The following MCPH1 variants were observed in gnomAD, a reference collection of about 807,000 sequenced individuals.
The protein encoded by MCPH1 is microcephalin.
MCPH1 carries 104 observed loss-of-function variants against 84.5 expected under a neutral mutation model. The ratio of observed to expected loss-of-function variants is 1.23; its 90% CI spans 1.05 to 1.45. The LOEUF (loss-of-function observed/expected upper bound fraction) is 1.45, where lower values mean the gene tolerates loss of function less well. Among genes scored for constraint, MCPH1 ranks in the 40% most tolerant of loss-of-function variants. The pLI, the probability that MCPH1 is intolerant of heterozygous loss-of-function variation, is 0.00. For synonymous variants in MCPH1, 514 were observed against 366.8 expected, an observed-to-expected ratio of 1.40 and a Z score of -4.58; for missense variants, 1,498 against 1,005.7, an observed-to-expected ratio of 1.49 and a Z score of -6.62.
intron 12 of MCPH1, among the ~76,000 whole-genome samples, chr8:6,590,765 T>TCTGCTTCAAA (rs1828395511): frequency 6.6e-6 from 1 of 152,266 alleles, no homozygotes; most frequent in Non-Finnish European, 1.5e-5. Flanking sequence ...GATGGTGATC[T>TCTGCTTCAAA]CTGCTTCAAA....
chr8:6,469,132 A>T (rs1807384532), intron 9 of MCPH1, among the ~76,000 whole-genome samples: 1 of 152,104 alleles, frequency 6.6e-6, no homozygotes, highest in Non-Finnish European at 1.5e-5. Flanking sequence ...CTGAGCCGTG[A>T]TTGTACCACT....
At chr8:6,561,304 T>G (rs1350327711) in intron 12 of MCPH1, among the ~76,000 whole-genome samples, 3 of 152,186 alleles carry the variant, frequency 2.0e-5, no homozygotes, top group Non-Finnish European at 4.4e-5. Context: ...TGATAGGTCA[T>G]TTTGGTAAGT....
intron 12 of MCPH1, among the ~76,000 whole-genome samples, chr8:6,593,298 G>A (rs1174185327): frequency 6.6e-6 from 1 of 151,858 alleles, no homozygotes; most frequent in East Asian, 1.9e-4. Context: ...AGTCAGGCTG[G>A]TCTCAAACTC....
intron 3 of MCPH1, among the ~76,000 whole-genome samples, chr8:6,428,135 C>G (rs1282878539): frequency 1.3e-5 from 2 of 151,968 alleles, no homozygotes; most frequent in African/African-American, 2.4e-5. Context: ...ACATGATAAA[C>G]TTTGTAATTT....
chr8:6,612,683 C>T, intron 12 of MCPH1, among the ~76,000 whole-genome samples: 1 of 152,328 alleles, frequency 6.6e-6, no homozygotes, highest in African/African-American at 2.4e-5. Flanking sequence ...GCCTGGTGTT[C>T]TGGGCGCCTC....
chr8:6,411,555 G>C (rs77683998), intron 2 of MCPH1, among the ~76,000 whole-genome samples: 3,209 of 152,262 alleles, frequency 0.021, 116 homozygotes, highest in African/African-American at 0.074. Context: ...TGTTGAAGTT[G>C]CTAAGATCGA....
intron 9 of MCPH1, among the ~76,000 whole-genome samples, chr8:6,464,175 G>C (rs1212200672): frequency 6.6e-6 from 1 of 152,178 alleles, no homozygotes; most frequent in Non-Finnish European, 1.5e-5. Context: ...AAGATCGAAG[G>C]TGCCCTTGGT....
chr8:6,624,804 G>T, intron 13 of MCPH1: 2 of 985,106 alleles, frequency 2.0e-6, no homozygotes, highest in Non-Finnish European at 2.4e-6. Context: ...CACAGTCCAG[G>T]GCATTGCGTT....
intron 10 of MCPH1, among the ~76,000 whole-genome samples, chr8:6,480,508 C>A (rs1030367188): frequency 9.2e-5 from 14 of 152,308 alleles, no homozygotes; most frequent in African/African-American, 2.6e-4. Context: ...TCTTCTCAGC[C>A]ATTAAAATAG....
Position 6,509,173 on chromosome 8 carries a change from T to G in MCPH1, c.2214+9244T>G, listed in dbSNP as rs1008243012. ...TCTACAGAAGCGTGTTCTGTACTCG[T>G]TAATGGACTAATGCATACTCTGGAC... On this transcript the variant is annotated intron_variant, in intron 12 of 13. Transcript: ENST00000344683. 59 of 1,369,304 alleles carry G rather than the reference T, an allele frequency of 4.3e-5. No individual in the cohort carries two copies. In the African/African-American group the frequency reaches 7.8e-4, roughly 18 times the overall value. The allele number at this position is 1,369,304 out of a possible 1,614,324, so 84.8% of individuals were successfully genotyped here.
At chr8:6,493,831 G>A (rs1810933281) in intron 11 of MCPH1, among the ~76,000 whole-genome samples, 1 of 152,198 alleles carries the variant, frequency 6.6e-6, no homozygotes, top group Non-Finnish European at 1.5e-5. Context: ...TACTTTGTCA[G>A]TGTTTTACAC....
intron 12 of MCPH1, among the ~76,000 whole-genome samples, chr8:6,503,960 T>G (rs11776519): frequency 0.24 from 37,150 of 152,124 alleles, 5,872 homozygotes; most frequent in Middle Eastern, 0.41. Flanking sequence ...ATTTTTGCTT[T>G]CTGCACTTTC....
intron 12 of MCPH1, among the ~76,000 whole-genome samples, chr8:6,599,680 T>C (rs1829217874): frequency 1.3e-5 from 2 of 152,238 alleles, no homozygotes; most frequent in Non-Finnish European, 2.9e-5. Context: ...TTGTTGGAAA[T>C]AGTCTCCTGG....
intron 12 of MCPH1, among the ~76,000 whole-genome samples, chr8:6,550,427 C>G (rs1470456397): frequency 6.6e-6 from 1 of 152,250 alleles, no homozygotes; most frequent in Non-Finnish European, 1.5e-5. Flanking sequence ...GCTTGTTGCC[C>G]TGGCACCAAG....
At chr8:6,414,199 G>A (rs1342233342) in intron 2 of MCPH1, among the ~76,000 whole-genome samples, 1 of 152,054 alleles carries the variant, frequency 6.6e-6, no homozygotes, top group African/African-American at 2.4e-5. Flanking sequence ...GTAGAGACAA[G>A]GTTTCACCAG....
chr8:6,639,650 A>C (rs958332451), intron 13 of MCPH1, among the ~76,000 whole-genome samples: 1 of 151,940 alleles, frequency 6.6e-6, no homozygotes, highest in African/African-American at 2.4e-5. Flanking sequence ...GCAATGGATC[A>C]AGATCCTGTC....
In MCPH1 at chr8:6,513,812, C is replaced by T. The variant is rs1168078520; in HGVS notation, c.2214+13883C>T. 4 of 1,613,578 alleles carry T rather than the reference C, an allele frequency of 2.5e-6. No homozygotes were observed. In the South Asian group the frequency reaches 4.4e-5, roughly 18 times the overall value. On this transcript the variant is annotated intron_variant, in intron 12 of 13. Coordinates refer to ENST00000344683, the MANE Select transcript of MCPH1 (RefSeq NM_024596.5). ...TCAGTTGCGAAACAAACTCATTTCC[C>T]AGCCAATATTCTCCTGAAGGGTTAC...
At chr8:6,531,509 C>G (rs1819510219) in intron 12 of MCPH1, among the ~76,000 whole-genome samples, 1 of 152,090 alleles carries the variant, frequency 6.6e-6, no homozygotes, top group African/African-American at 2.4e-5. Context: ...CCAGGCTGGT[C>G]TCGAACTCCT....
At chr8:6,516,598 C>T (rs568921584) in intron 12 of MCPH1, among the ~76,000 whole-genome samples, 29 of 152,290 alleles carry the variant, frequency 1.9e-4, no homozygotes, top group African/African-American at 6.7e-4. Context: ...CAGTGCTGCT[C>T]ACTTCTATCA....
Sources: allele counts gnomAD v4.1 joint callset (sites outside exome capture counted in the v4.1 genomes callset), GRCh38; gene constraint gnomAD v4.1.1; transcripts MANE v1.5; gene names NCBI Gene and HGNC (gene_info 2026-07-23, HGNC 2026-07-21).